Variants in LAMA4 observed in about 807,000 individuals in gnomAD.
LAMA4 encodes the protein laminin subunit alpha-4.
A neutral mutation model predicts 207.1 loss-of-function variants in LAMA4; 127 were observed. The ratio of observed to expected loss-of-function variants is 0.61; its 90% CI spans 0.53 to 0.71. The LOEUF (loss-of-function observed/expected upper bound fraction) is 0.71. LAMA4 is among the 30% of genes least tolerant of loss of function. The pLI, the probability that LAMA4 is intolerant of heterozygous loss-of-function variation, is 0.00. For synonymous variants in LAMA4, 761 were observed against 816.0 expected (o/e 0.93, Z 1.15); for missense variants, 2,093 against 2,246.5 (o/e 0.93, Z 1.38).
chr6:112,200,285 T>C, intron 5 of LAMA4: 1 of 421,672 alleles, frequency 2.4e-6, no homozygotes, highest in Non-Finnish European at 4.7e-6. Context: ...GAAAAAAAGC[T>C]CATCATCACT....
chr6:112,217,952 A>T (rs535885990), intron 2 of LAMA4: 1 of 152,362 alleles, frequency 6.6e-6, no homozygotes, highest in South Asian at 2.1e-4. Flanking sequence ...GATGCAGTAC[A>T]CAGATTGGTA....
rs1554190489 is a variant in LAMA4, at chr6:112,254,034, G to A, written c.117C>T (p.Ser39=). 1 of 1,596,934 alleles carries A rather than the reference G, an allele frequency of 6.3e-7. No homozygotes were observed. The highest frequency in any genetic ancestry group is 8.5e-7 in the Non-Finnish European group (1 of 1,171,472). ...GCGGGTCTTGCCTGCCAACCGCTGA[G>A]CTCCCTTCAATGTCAAAAGGAAAAG... The part of the protein sequence containing the change: ...DNAFPFDIEG[S]SAVGRQDPPE... Residue 39 remains serine, a synonymous_variant, in exon 2 of 39, where the codon AGC becomes AGT. Coordinates refer to ENST00000230538, the MANE Select transcript of LAMA4 (RefSeq NM_001105206.3).
chr6:112,109,710 T>G, intron 38 of LAMA4, 128 bp from the exon 39 acceptor site: 1 of 937,092 alleles, frequency 1.1e-6, no homozygotes, highest in Non-Finnish European at 1.6e-6. Context: ...AAATAGAACA[T>G]AGTTATAATT....
Position 112,187,543 on chromosome 6 carries a change from G to C in LAMA4, c.873C>G (p.Ile291Met), listed in dbSNP as rs141611768. ...TCAGCACCCCGGATTTGCCTTCCTC[G>C]ATGGAGAGCGCTGCTAACCGCAGGT... Reference protein sequence around the residue: ...TDDLRLAALSIEEGKSGVLSV... With the variant: ...TDDLRLAALSMEEGKSGVLSV... The change falls in exon 8 of 39, where the codon ATC becomes ATG. Residue 291 changes from isoleucine to methionine, a missense_variant. Coordinates refer to ENST00000230538, the MANE Select transcript of LAMA4 (RefSeq NM_001105206.3). 1.2e-6 allele frequency: 2 copies of C among 1,614,078 alleles called. No homozygotes were observed. Among genetic ancestry groups the C allele is most frequent in the East Asian group, 2.2e-5 (1 of 44,860 alleles).
intron 19 of LAMA4, among the ~76,000 whole-genome samples, chr6:112,142,980 G>A (rs1389633017): frequency 6.6e-6 from 1 of 152,118 alleles, no homozygotes; most frequent in Non-Finnish European, 1.5e-5. Flanking sequence ...AGTTCATAAG[G>A]TGCCTCTTAT....
chr6:112,243,422 C>T (rs1307161046), intron 2 of LAMA4, among the ~76,000 whole-genome samples: 1 of 152,134 alleles, frequency 6.6e-6, no homozygotes, highest in Non-Finnish European at 1.5e-5. Context: ...TAAATTTTAA[C>T]TTATTTATTA....
At chr6:112,231,375 T>G (rs1270123144) in intron 2 of LAMA4, among the ~76,000 whole-genome samples, 3 of 152,222 alleles carry the variant, frequency 2.0e-5, no homozygotes, top group Non-Finnish European at 2.9e-5. Context: ...GACTATCAGA[T>G]AGTCCTCAGA....
intron 29 of LAMA4, 104 bp from the exon 30 acceptor site, chr6:112,130,144 T>C: frequency 1.1e-6 from 1 of 945,840 alleles, no homozygotes; most frequent in Non-Finnish European, 1.7e-6. Flanking sequence ...AAATGGAACA[T>C]GTGGTTAATG....
At chr6:112,180,068 A>G (rs1328592687) in intron 9 of LAMA4, 2 of 371,574 alleles carry the variant, frequency 5.4e-6, no homozygotes, top group Admixed American at 3.8e-5. Flanking sequence ...TTAAAATTTT[A>G]GAATTTTTAA....
intron 18 of LAMA4, among the ~76,000 whole-genome samples, chr6:112,146,423 A>C (rs1780033406): frequency 6.6e-6 from 1 of 152,204 alleles, no homozygotes; most frequent in South Asian, 2.1e-4. Flanking sequence ...GACAAGCAGC[A>C]GCAGCATCAC....
intron 2 of LAMA4, chr6:112,216,780 G>T (rs1784650530): frequency 5.5e-6 from 2 of 360,686 alleles, no homozygotes. Flanking sequence ...CAGTAAGGGA[G>T]AAAAAAATGC....
At chr6:112,164,957 ATTTAAT>A (rs1554339470) in intron 13 of LAMA4, among the ~76,000 whole-genome samples, 197 bp downstream of exon 13, 1 of 152,260 alleles carries the variant, frequency 6.6e-6, no homozygotes. Context: ...TTTTAATTTT[ATTTAAT>A]TTTAAGTAAT....
At chr6:112,129,549 G>A (rs782723252) in intron 30 of LAMA4, among the ~76,000 whole-genome samples, 1 of 152,092 alleles carries the variant, frequency 6.6e-6, no homozygotes, top group Non-Finnish European at 1.5e-5. Context: ...TTTATAGCTT[G>A]CTGTATGCCA....
chr6:112,201,621 G>A lies in LAMA4; in HGVS notation c.490C>T (p.Pro164Ser), dbSNP rs2115002692. 1.2e-6 allele frequency: 2 copies of A among 1,613,612 alleles called. No individual in the cohort carries two copies. The highest frequency in any genetic ancestry group is 1.7e-6 in the Non-Finnish European group (2 of 1,179,582). Residue 164 changes from proline to serine, a missense_variant, in exon 5 of 39, where the codon CCT (proline) becomes TCT (serine). Around this residue, in one of 3 missense-constraint regions of LAMA4, gnomAD observed 1,704 missense variants for 1,788.4 expected, o/e 0.95. Transcript: ENST00000230538. ...TTATTGGCTTACCTTTCACAGTTAG[G>A]TCCAGCATAATTTTCGTTACAAATG... ...RCICNENYAG[P>S]NCERCAPGYY...
chr6:112,214,860 T>A (rs1554358135), intron 3 of LAMA4, among the ~76,000 whole-genome samples: 2 of 152,240 alleles, frequency 1.3e-5, no homozygotes, highest in Non-Finnish European at 2.9e-5. Flanking sequence ...GCTCCCATTC[T>A]GACAATGTCA....
chr6:112,147,237 G>A (rs1220006671), intron 18 of LAMA4, among the ~76,000 whole-genome samples: 1 of 152,054 alleles, frequency 6.6e-6, no homozygotes, highest in Non-Finnish European at 1.5e-5. Flanking sequence ...TTTCATATAG[G>A]CAAATCTTTT....
intron 18 of LAMA4, 24 bp downstream of exon 18, chr6:112,148,133 A>G: frequency 6.2e-7 from 1 of 1,605,966 alleles, no homozygotes; most frequent in South Asian, 1.1e-5. Flanking sequence ...ATTAGATTCA[A>G]ATTGTGAAAT....
intron 17 of LAMA4, among the ~76,000 whole-genome samples, chr6:112,149,290 C>G (rs1403900358): frequency 2.0e-5 from 3 of 152,086 alleles, no homozygotes; most frequent in Non-Finnish European, 2.9e-5. Flanking sequence ...TCATGAACCT[C>G]AGGGTTCATA....
In LAMA4 at chr6:112,254,211, C is replaced by A; in HGVS notation, c.-61G>T. ...TCGGGCGCTGTGGGTCTCCGTAGGTCTCCCGCGTGGTGCGGCGGTGCCTCG... is the reference window on the plus strand; with the variant it reads ...TCGGGCGCTGTGGGTCTCCGTAGGTATCCCGCGTGGTGCGGCGGTGCCTCG... On this transcript the variant is annotated 5_prime_UTR_variant, in exon 2 of 39. Transcript: ENST00000230538. 1 of 1,606,700 alleles carries A rather than the reference C, an allele frequency of 6.2e-7. No homozygotes were observed. Among genetic ancestry groups the A allele is most frequent in the Non-Finnish European group, 8.5e-7 (1 of 1,177,548 alleles).
Sources: allele counts gnomAD v4.1 joint callset (sites outside exome capture counted in the v4.1 genomes callset), GRCh38; gene constraint gnomAD v4.1.1; regional missense constraint gnomAD v4.1.1; transcripts MANE v1.5; gene names NCBI Gene and HGNC (gene_info 2026-07-23, HGNC 2026-07-21).